BAZ2B: variants seen among roughly 807,000 people sequenced by gnomAD.
BAZ2B encodes bromodomain adjacent to zinc finger domain protein 2B.
A neutral mutation model predicts 246.0 loss-of-function variants in BAZ2B; 91 were observed. The observed-to-expected ratio is 0.37, with a 90% CI of 0.31 to 0.44. BAZ2B has a LOEUF of 0.44. BAZ2B is among the 20% of genes least tolerant of loss of function. The pLI is 1.00. For synonymous variants in BAZ2B, 855 were observed against 860.0 expected (o/e 0.99, Z 0.10); for missense variants, 2,332 against 2,533.7 (o/e 0.92, Z 1.71).
intron 25 of BAZ2B, among the ~76,000 whole-genome samples, chr2:159,378,328 T>G (rs902004609): frequency 6.6e-6 from 1 of 152,248 alleles, no homozygotes. Flanking sequence ...AAATTATTTC[T>G]GCAAGGAATC....
chr2:159,629,853 A>G, the BAZ2B span, among the ~76,000 whole-genome samples: 1 of 152,170 alleles, frequency 6.6e-6, no homozygotes, highest in Non-Finnish European at 1.5e-5. Context: ...AATAAAAATT[A>G]AAAAGTATGA....
chr2:159,549,172 T>G (rs1166128587), intron 2 of BAZ2B, among the ~76,000 whole-genome samples: 1 of 151,982 alleles, frequency 6.6e-6, no homozygotes, highest in East Asian at 1.9e-4. Flanking sequence ...CCCCAGCTAC[T>G]CAGGAGGCTG....
At chr2:159,706,453 T>C in the BAZ2B span, among the ~76,000 whole-genome samples, 1 of 152,172 alleles carries the variant, frequency 6.6e-6, no homozygotes. Flanking sequence ...TCAAAAAAAA[T>C]GTAGTCTGAA....
At chr2:159,377,125 C>T (rs1392887526) in intron 25 of BAZ2B, among the ~76,000 whole-genome samples, 6 of 152,148 alleles carry the variant, frequency 3.9e-5, no homozygotes, top group Non-Finnish European at 8.8e-5. Flanking sequence ...TAGTCAAGGG[C>T]AGTATCTTCT....
At chr2:159,356,514 C>T (rs1011618045) in intron 27 of BAZ2B, among the ~76,000 whole-genome samples, 18 of 152,164 alleles carry the variant, frequency 1.2e-4, no homozygotes, top group African/African-American at 4.3e-4. Context: ...ATCAAACTCC[C>T]ATCTCCCTGG....
intron 27 of BAZ2B, among the ~76,000 whole-genome samples, chr2:159,357,452 C>A (rs2059234023): frequency 6.6e-6 from 1 of 151,898 alleles, no homozygotes; most frequent in Non-Finnish European, 1.5e-5. Flanking sequence ...AACAAAGCTT[C>A]CAAGAAATAT....
intron 6 of BAZ2B, among the ~76,000 whole-genome samples, chr2:159,443,500 A>G (rs751620962): frequency 3.3e-5 from 5 of 152,146 alleles, no homozygotes; most frequent in Non-Finnish European, 5.9e-5. Context: ...TTTTTAAAAA[A>G]GTTTTGAAAA....
chr2:159,587,158 A>G (rs1299003920), intron 1 of BAZ2B, among the ~76,000 whole-genome samples: 1 of 151,258 alleles, frequency 6.6e-6, no homozygotes, highest in Non-Finnish European at 1.5e-5. Flanking sequence ...GGCTCACTGC[A>G]AGCTCCACCT....
intron 1 of BAZ2B, among the ~76,000 whole-genome samples, chr2:159,573,589 T>C (rs985295923): frequency 6.6e-6 from 1 of 152,168 alleles, no homozygotes; most frequent in Non-Finnish European, 1.5e-5. Flanking sequence ...TAAATCTTCT[T>C]GACCTTGGAT....
At chr2:159,420,952 C>T (rs928727202) in intron 13 of BAZ2B, among the ~76,000 whole-genome samples, 1 of 152,176 alleles carries the variant, frequency 6.6e-6, no homozygotes, top group Admixed American at 6.5e-5. Flanking sequence ...CCAGCCAGTA[C>T]AGCATAGGCT....
At chr2:159,362,998 G>A (rs977913442) in intron 27 of BAZ2B, among the ~76,000 whole-genome samples, 1 of 152,184 alleles carries the variant, frequency 6.6e-6, no homozygotes, top group Admixed American at 6.6e-5. Flanking sequence ...ACCAGCAGGA[G>A]GAGATCCAGC....
intron 3 of BAZ2B, chr2:159,459,396 A>C (rs2076155831): frequency 6.6e-6 from 1 of 152,222 alleles, no homozygotes; most frequent in African/African-American, 2.4e-5. Flanking sequence ...AATGATTAAA[A>C]TATAACATGT....
intron 2 of BAZ2B, among the ~76,000 whole-genome samples, chr2:159,517,012 G>A (rs1321710529): frequency 6.6e-6 from 1 of 151,940 alleles, no homozygotes. Flanking sequence ...CTACAACAAA[G>A]TACACAAAAT....
chr2:159,328,734 G>A (rs1284767028), intron 34 of BAZ2B, among the ~76,000 whole-genome samples: 1 of 152,160 alleles, frequency 6.6e-6, no homozygotes, highest in Admixed American at 6.5e-5. Flanking sequence ...GTGAGTTTGT[G>A]TGTGTATGTG....
chr2:159,624,502 C>A, the BAZ2B span, among the ~76,000 whole-genome samples: 1 of 152,178 alleles, frequency 6.6e-6, no homozygotes, highest in Non-Finnish European at 1.5e-5. Flanking sequence ...GAGGAACAGG[C>A]AGCAATCTTT....
chr2:159,507,287 GAA>G (rs2082431367), intron 2 of BAZ2B, among the ~76,000 whole-genome samples: 1 of 151,918 alleles, frequency 6.6e-6, no homozygotes, highest in South Asian at 2.1e-4. Flanking sequence ...ATAGGCTCCA[GAA>G]AAAGTTTATT....
chr2:159,317,927 G>A (rs1381434724), downstream of BAZ2B, among the ~76,000 whole-genome samples: 1 of 152,162 alleles, frequency 6.6e-6, no homozygotes, highest in Non-Finnish European at 1.5e-5. Flanking sequence ...CCCACTCAGT[G>A]TTTAACAGCT....
At chr2:159,354,380 C>T (rs1198760668) in intron 27 of BAZ2B, among the ~76,000 whole-genome samples, 3 of 151,986 alleles carry the variant, frequency 2.0e-5, no homozygotes, top group African/African-American at 7.3e-5. Context: ...GAGATGGAGT[C>T]TTACTCTGTC....
rs536868831 is a variant in BAZ2B, at chr2:159,409,303, G to A, written c.2677+3032C>T. ...TTCTTAGTGTACATCTTAAAATAACGGTGCATGGTATAGATTACTTATAGG... is the reference window on the plus strand; with the variant it reads ...TTCTTAGTGTACATCTTAAAATAACAGTGCATGGTATAGATTACTTATAGG... On this transcript the variant is annotated intron_variant, in intron 14 of 36. Coordinates refer to ENST00000392783, the MANE Select transcript of BAZ2B (RefSeq NM_013450.4). Among the ~76,000 whole-genome samples the A allele has an allele frequency of 9.2e-5, 14 of 152,080 alleles. No individual in the cohort carries two copies. The South Asian group carries it at 2.3e-3, about 25-fold the overall frequency.
Sources: allele counts gnomAD v4.1 joint callset (sites outside exome capture counted in the v4.1 genomes callset), GRCh38; gene constraint gnomAD v4.1.1; transcripts MANE v1.5; gene names NCBI Gene and HGNC (gene_info 2026-07-23, HGNC 2026-07-21).